Variants in SLC22A12 observed in about 807,000 individuals in gnomAD.
SLC22A12 encodes organic anion transporter 4-like protein.
Under a neutral mutation model 52.7 loss-of-function variants are expected in SLC22A12, and 56 were observed. The observed-to-expected ratio is 1.06, with a 90% confidence interval of 0.86 to 1.33. SLC22A12 has a LOEUF of 1.33. SLC22A12 is among the 40% of genes most tolerant of loss of function. The pLI is 0.00. For missense variants in SLC22A12, 683 were observed against 741.5 expected (o/e 0.92, Z 0.92); for synonymous variants, 337 against 324.6 (o/e 1.04, Z -0.41).
chr11:64,595,762 GATGGATGGTTGGAATGGATGA>G (rs2039160046), intron 4 of SLC22A12, among the ~76,000 whole-genome samples: 1 of 150,404 alleles, frequency 6.6e-6, no homozygotes, highest in Non-Finnish European at 1.5e-5. Context: ...TAGATGGATG[GATGGATGGTTGGAATGGATGA>G]ATGGATGGAT....
intron 8 of SLC22A12, 78 bp from the exon 9 acceptor site, chr11:64,600,657 A>T: frequency 6.3e-7 from 1 of 1,589,182 alleles, no homozygotes; most frequent in Middle Eastern, 2.0e-4. Flanking sequence ...CCCTGGGCCA[A>T]GCGGGCCTGG....
rs1360857585 is a variant in SLC22A12 at position 64,600,825 on chromosome 11, G to C, written c.1485G>C (p.Trp495Cys). Residue 495 changes from tryptophan to cysteine, a missense_variant, in exon 9 of 10, where the codon TGG becomes TGC. Coordinates refer to ENST00000377574, the MANE Select transcript of SLC22A12 (RefSeq NM_144585.4). ...LVRLLGVHGPWLPLLVYGTVP... is the reference protein window; with the variant it reads ...LVRLLGVHGPCLPLLVYGTVP... The stretch of plus-strand genomic sequence containing the variant: ...GGCTGCTGGGTGTCCATGGCCCCTG[G>C]CTGCCCTTGCTGGTGTATGGGACGG... 6.2e-7 allele frequency: 1 copy of C among 1,607,096 alleles called. No individual in the cohort carries two copies. The highest frequency in any genetic ancestry group is 1.1e-5 in the South Asian group (1 of 91,064).
intron 6 of SLC22A12, 57 bp downstream of exon 6, chr11:64,598,980 G>T: frequency 6.3e-7 from 1 of 1,590,002 alleles, no homozygotes; most frequent in Non-Finnish European, 8.5e-7. Context: ...CGGGGCTCTC[G>T]CTGGCACACG....
intron 4 of SLC22A12, among the ~76,000 whole-genome samples, chr11:64,597,376 C>T (rs2039280565): frequency 6.6e-6 from 1 of 152,160 alleles, no homozygotes; most frequent in South Asian, 2.1e-4. Context: ...AGCCTTACAC[C>T]TCCAACTGCC....
chr11:64,598,664 C>G, intron 5 of SLC22A12, 25 bp downstream of exon 5: 2 of 1,605,886 alleles, frequency 1.2e-6, no homozygotes, highest in Non-Finnish European at 1.7e-6. Flanking sequence ...TCCTCAAACC[C>G]GGACCCTCAG....
At chr11:64,599,220 G>C (rs960410707) in intron 6 of SLC22A12, among the ~76,000 whole-genome samples, 2 of 152,192 alleles carry the variant, frequency 1.3e-5, no homozygotes, top group African/African-American at 4.8e-5. Flanking sequence ...AACAGCATGG[G>C]CCGCAAGCAC....
intron 8 of SLC22A12, 115 bp downstream of exon 8, chr11:64,600,590 G>A (rs1453878413): frequency 7.2e-7 from 1 of 1,383,984 alleles, no homozygotes; most frequent in Non-Finnish European, 9.9e-7. Flanking sequence ...TCTCCCTCTT[G>A]TGTGGTCCCC....
chr11:64,591,543 C>G lies in SLC22A12; in HGVS notation c.-14C>G. On this transcript the variant is annotated 5_prime_UTR_variant, in exon 1 of 10. Transcript: ENST00000377574. ...TGAAGTGGGCCCCTCTTCTGGGCCC[C>G]TTGAGTAGGTTCCATGGCATTTTCT... The G allele has an allele frequency of 6.2e-7, 1 of 1,610,302 alleles. No homozygotes were observed. Among genetic ancestry groups the G allele is most frequent in the Non-Finnish European group, 8.5e-7 (1 of 1,180,012 alleles).
intron 4 of SLC22A12, among the ~76,000 whole-genome samples, chr11:64,597,598 C>T (rs575691241): frequency 6.6e-6 from 1 of 152,360 alleles, no homozygotes; most frequent in African/African-American, 2.4e-5. Flanking sequence ...GGAATCTCCA[C>T]TTCTCCCCTC....
intron 6 of SLC22A12, 96 bp downstream of exon 6, chr11:64,599,019 C>A: frequency 6.6e-7 from 1 of 1,506,152 alleles, no homozygotes; most frequent in South Asian, 1.2e-5. Context: ...TCCGCTTGGT[C>A]CCACTGGCCT....
intron 4 of SLC22A12, among the ~76,000 whole-genome samples, chr11:64,596,249 T>TGGATGGATGGATGGAATGGATGGATG (rs1554987870): frequency 2.4e-5 from 2 of 82,772 alleles, no homozygotes; most frequent in African/African-American, 1.1e-4. Flanking sequence ...ATGGATGGAA[T>TGGATGGATGGATGGAATGGATGGATG]GGATGGATGG....
At chr11:64,592,992 G>T in intron 2 of SLC22A12, 110 bp downstream of exon 2, 1 of 1,002,600 alleles carries the variant, frequency 1.0e-6, no homozygotes, top group Non-Finnish European at 1.5e-6. Flanking sequence ...TCTAGAAAGC[G>T]CCCTACTTGC....
chr11:64,591,903 G>A lies in SLC22A12; in HGVS notation c.347G>A (p.Cys116Tyr). The A allele has an allele frequency of 1.2e-6, 2 of 1,612,692 alleles. No homozygotes were observed. The highest frequency in any genetic ancestry group is 1.1e-5 in the South Asian group (1 of 91,076). ...TGGAGCGAGGCCGACACGGAGCCGT[G>A]TGTGGATGGCTGGGTCTATGACCGC... ...TSWSEADTEPCVDGWVYDRSI... is the reference protein window; with the variant it reads ...TSWSEADTEPYVDGWVYDRSI... Residue 116 changes from cysteine (C) to tyrosine (Y), a missense_variant, in exon 1 of 10, where the codon TGT (cysteine) becomes TAT (tyrosine). Coordinates refer to ENST00000377574, the MANE Select transcript of SLC22A12 (RefSeq NM_144585.4).
chr11:64,600,455 G>A lies in SLC22A12; in HGVS notation c.1374G>A (p.Glu458=), dbSNP rs771451481. Residue 458 remains glutamate (E), a synonymous_variant, in exon 8 of 10, where the codon GAG becomes GAA. Coordinates refer to ENST00000377574, the MANE Select transcript of SLC22A12 (RefSeq NM_144585.4). ...CCTGCATCACCATCTACAGCAGCGAGCTCTTCCCCACTGTGCTCAGGTGAG... is the reference window on the plus strand; with the variant it reads ...CCTGCATCACCATCTACAGCAGCGAACTCTTCCCCACTGTGCTCAGGTGAG... The part of the protein sequence containing the change: ...AFTCITIYSS[E]LFPTVLRMTA... 1.2e-6 allele frequency: 2 copies of A among 1,605,706 alleles called. No homozygotes were observed. The highest frequency in any genetic ancestry group is 2.2e-5 in the East Asian group (1 of 44,814).
chr11:64,596,073 GAT>G, intron 4 of SLC22A12, among the ~76,000 whole-genome samples: 2 of 151,422 alleles, frequency 1.3e-5, no homozygotes, highest in African/African-American at 4.9e-5. Context: ...TGGATGGATG[GAT>G]GGTTTGATGG....
chr11:64,594,946 A>G (rs1591391809), intron 4 of SLC22A12, among the ~76,000 whole-genome samples: 3 of 120,038 alleles, frequency 2.5e-5, no homozygotes, highest in South Asian at 3.3e-4. Flanking sequence ...GGTTGGATGG[A>G]TGGATGGATG....
chr11:64,591,465 C>T lies in SLC22A12; in HGVS notation c.-92C>T, dbSNP rs1025736408. 78 of 1,550,546 alleles carry T rather than the reference C, an allele frequency of 5.0e-5. No individual in the cohort carries two copies. The highest frequency in any genetic ancestry group is 6.8e-5 in the African/African-American group (5 of 73,712). On this transcript the variant is annotated 5_prime_UTR_variant, in exon 1 of 10. Coordinates refer to ENST00000377574, the MANE Select transcript of SLC22A12 (RefSeq NM_144585.4). ...CTGGAGAAGCCACTGTGGGCACCAC[C>T]GTGGGGGAAACAGGCCCGTTGCCCT... is the stretch of plus-strand genomic sequence containing the variant.
intron 7 of SLC22A12, 127 bp downstream of exon 7, chr11:64,600,017 C>A: frequency 8.5e-7 from 1 of 1,170,192 alleles, no homozygotes; most frequent in Non-Finnish European, 1.2e-6. Flanking sequence ...CTGCCGGAGC[C>A]GTCTAGGGAC....
chr11:64,596,902 G>A (rs929805097), intron 4 of SLC22A12, among the ~76,000 whole-genome samples: 9 of 152,174 alleles, frequency 5.9e-5, no homozygotes, highest in Admixed American at 5.2e-4. Context: ...CTCCCACAGG[G>A]CTGAAGAAGT....
Sources: allele counts gnomAD v4.1 joint callset (sites outside exome capture counted in the v4.1 genomes callset), GRCh38; gene constraint gnomAD v4.1.1; transcripts MANE v1.5; gene names NCBI Gene and HGNC (gene_info 2026-07-23, HGNC 2026-07-21).